CDH23: variants seen among roughly 807,000 people sequenced by gnomAD.
CDH23 encodes cadherin related 23.
CDH23 carries 189 observed loss-of-function variants against 317.1 expected under a neutral mutation model. The ratio of observed to expected loss-of-function variants is 0.60; its 90% CI spans 0.53 to 0.67. The LOEUF (loss-of-function observed/expected upper bound fraction) is 0.67, where lower values mean the gene tolerates loss of function less well. Among genes scored for constraint, CDH23 ranks in the 30% least tolerant of loss-of-function variants. The probability of loss-of-function intolerance (pLI) is 0.00; values close to 1 mark genes in which losing one functional copy is unlikely to be tolerated. For missense variants in CDH23, 4,401 were observed against 4,592.4 expected (o/e 0.96, Z 1.20); for synonymous variants, 1,839 against 1,876.8 (o/e 0.98, Z 0.52).
chr10:71,532,704 TG>T lies in CDH23; in HGVS notation c.429+21493del, dbSNP rs1855447928. On this transcript the variant is annotated intron_variant, in intron 6 of 69. Coordinates refer to ENST00000224721, the MANE Select transcript of CDH23 (RefSeq NM_022124.6). The stretch of plus-strand genomic sequence containing the variant: ...AGTTTGATGTTGGCAAGTTTTCTTT[TG>T]TTTTTGTTTTTTTTTTTTTTTGTTT... Among the ~76,000 whole-genome samples the T allele has an allele frequency of 2.6e-3, 212 of 80,210 alleles. 2 individuals carry two copies. Among genetic ancestry groups the T allele is most frequent in the African/African-American group, 7.2e-3 (154 of 21,412 alleles). 52.6% of individuals were successfully genotyped at this position (80,210 alleles called of 152,430 possible). A position where few individuals can be genotyped will look rare whatever the true frequency, so the allele number is the denominator to read the frequency against.
intron 3 of CDH23, among the ~76,000 whole-genome samples, chr10:71,487,946 T>G (rs1852441335): frequency 6.6e-6 from 1 of 152,236 alleles, no homozygotes. Context: ...TAGAGGCCCT[T>G]GCATAATATA....
At chr10:71,690,745 T>C (rs75806514) in intron 20 of CDH23, among the ~76,000 whole-genome samples, 161 bp downstream of exon 20, 376 of 152,320 alleles carry the variant, frequency 2.5e-3, no homozygotes, top group East Asian at 8.3e-3. Context: ...AATTTGAGTG[T>C]GATTACTGAT....
At chr10:71,403,445 CTTCCTTCCT>C (rs1316048606) in intron 1 of CDH23, among the ~76,000 whole-genome samples, 6 of 72,136 alleles carry the variant, frequency 8.3e-5, no homozygotes, top group South Asian at 4.6e-4. Flanking sequence ...TCCTTCCTTC[CTTCCTTCCT>C]TTCCTTCCTT....
intron 6 of CDH23, among the ~76,000 whole-genome samples, chr10:71,520,874 T>C (rs757369854): frequency 1.5e-4 from 23 of 152,082 alleles, no homozygotes; most frequent in Non-Finnish European, 2.1e-4. Context: ...CACAATAGGC[T>C]TGTTTTGATG....
chr10:71,759,936 T>TACAC (rs1252089875), intron 38 of CDH23, among the ~76,000 whole-genome samples: 3,415 of 51,938 alleles, frequency 0.066, 286 homozygotes, highest in East Asian at 0.13. Flanking sequence ...CACACATATA[T>TACAC]ACACACACAC....
intron 48 of CDH23, chr10:71,795,721 C>A: frequency 3.6e-6 from 2 of 558,350 alleles, no homozygotes; most frequent in Non-Finnish European, 4.5e-6. Context: ...CCTCCTCCCA[C>A]CCCGTCAGCT....
intron 53 of CDH23, among the ~76,000 whole-genome samples, chr10:71,801,345 G>C (rs1355276991): frequency 6.6e-6 from 1 of 151,684 alleles, no homozygotes; most frequent in Admixed American, 6.6e-5. Context: ...GTAGAGACGG[G>C]GTTTCTCCAT....
chr10:71,811,328 A>T lies in CDH23; in HGVS notation c.9091A>T (p.Ile3031Phe), dbSNP rs1462347292. 1.2e-6 allele frequency: 2 copies of T among 1,613,772 alleles called. No homozygotes were observed. The highest frequency in any genetic ancestry group is 1.7e-6 in the Non-Finnish European group (2 of 1,179,848). Residue 3031 changes from isoleucine to phenylalanine, a missense_variant, in exon 63 of 70, where the codon ATC becomes TTC. Coordinates refer to ENST00000224721, the MANE Select transcript of CDH23 (RefSeq NM_022124.6). ...CCCCTCGCCCAGGGTGATCCAGATG[A>T]TCGATGAGAACAAGGAGCAGCTACG... is the stretch of plus-strand genomic sequence containing the variant. ...ILDVDRVIQM[I>F]DENKEQLRNL...
At chr10:71,614,353 A>T (rs1014655321) in intron 9 of CDH23, among the ~76,000 whole-genome samples, 3 of 152,218 alleles carry the variant, frequency 2.0e-5, no homozygotes, top group Non-Finnish European at 2.9e-5. Context: ...GTGAGTGAGT[A>T]TGTGAATGAA....
intron 14 of CDH23, among the ~76,000 whole-genome samples, chr10:71,664,816 C>T (rs995788778): frequency 1.3e-5 from 2 of 150,766 alleles, no homozygotes; most frequent in African/African-American, 4.9e-5. Context: ...CCTCCCCCTT[C>T]CCCCTCCTCC....
chr10:71,596,620 C>T (rs1162250108), intron 9 of CDH23, among the ~76,000 whole-genome samples: 1 of 152,202 alleles, frequency 6.6e-6, no homozygotes, highest in Non-Finnish European at 1.5e-5. Context: ...GCCAGGACCC[C>T]TCTCCCTCCA....
chr10:71,812,125 G>A, intron 66 of CDH23, 110 bp downstream of exon 66: 1 of 1,603,366 alleles, frequency 6.2e-7, no homozygotes, highest in Non-Finnish European at 8.5e-7. Flanking sequence ...CAGGCTGTGG[G>A]CGCCCCCTGG....
intron 9 of CDH23, among the ~76,000 whole-genome samples, chr10:71,606,030 G>A (rs1269932079): frequency 6.6e-6 from 1 of 152,248 alleles, no homozygotes; most frequent in African/African-American, 2.4e-5. Flanking sequence ...CATGCACAGT[G>A]CATTGCTGTG....
chr10:71,505,540 G>T (rs1308246506), intron 3 of CDH23, among the ~76,000 whole-genome samples: 1 of 152,194 alleles, frequency 6.6e-6, no homozygotes, highest in Non-Finnish European at 1.5e-5. Flanking sequence ...GTGTTTAGGA[G>T]GAGCAGTCTC....
chr10:71,718,792 C>T (rs533072565), intron 28 of CDH23, among the ~76,000 whole-genome samples: 6 of 152,090 alleles, frequency 3.9e-5, no homozygotes, highest in African/African-American at 9.6e-5. Flanking sequence ...TGAGGCCAGG[C>T]GTGTTGGCTC....
chr10:71,405,886 A>G (rs1207982046), intron 1 of CDH23, among the ~76,000 whole-genome samples: 1 of 151,974 alleles, frequency 6.6e-6, no homozygotes, highest in South Asian at 2.1e-4. Context: ...CTGTGTCCCA[A>G]CCTCCGTCTA....
Position 71,791,297 on chromosome 10 carries a change from C to T in CDH23, c.6215C>T (p.Ala2072Val). The part of the protein sequence containing the change: ...DNDNRPTFSP[A>V]TLTVHLLENC... ...GACAACCGGCCCACCTTTAGCCCTG[C>T]CACCCTCACTGTCCATCTGCTAGAG... The change falls in exon 47 of 70, where the codon GCC becomes GTC. Residue 2072 changes from alanine (A) to valine (V), a missense_variant. Physicochemically the swap from Ala to Val is moderately conservative, Grantham distance 64 (BLOSUM62 0). This residue lies in a region of CDH23 where 3,068 missense variants were observed against 3,203.3 expected (regional missense o/e 0.96). Transcript: ENST00000224721. The T allele has an allele frequency of 6.2e-7, 1 of 1,613,872 alleles. No homozygotes were observed. Among genetic ancestry groups the T allele is most frequent in the Non-Finnish European group, 8.5e-7 (1 of 1,179,860 alleles).
At chr10:71,801,717 C>A (rs561351675) in intron 53 of CDH23, among the ~76,000 whole-genome samples, 1 of 152,246 alleles carries the variant, frequency 6.6e-6, no homozygotes, top group African/African-American at 2.4e-5. Flanking sequence ...CTTGAAAGGT[C>A]GGGGGTGTGA....
chr10:71,519,843 G>A (rs908194184), intron 6 of CDH23, among the ~76,000 whole-genome samples: 1 of 151,236 alleles, frequency 6.6e-6, no homozygotes, highest in African/African-American at 2.4e-5. Flanking sequence ...GAGTGCAGTG[G>A]CATGGTGTGA....
Sources: gnomAD v4.1 joint callset for allele counts (sites outside exome capture counted in the v4.1 genomes callset) on GRCh38, gnomAD v4.1.1 for gene constraint, gnomAD v4.1.1 regional missense constraint, MANE v1.5 for transcripts, NCBI Gene and HGNC (gene_info 2026-07-23, HGNC 2026-07-21) for gene names.